Variants in GATC observed in about 807,000 individuals in gnomAD.
The protein encoded by GATC is glutamyl-tRNA(Gln) amidotransferase subunit C, mitochondrial.
GATC carries 11 observed loss-of-function variants against 14.4 expected under a neutral mutation model. The observed-to-expected ratio is 0.77, with a 90% CI of 0.48 to 1.27. GATC has a LOEUF of 1.27. GATC is among the 50% of genes most tolerant of loss of function. GATC has a pLI of 0.00. For missense variants in GATC, 204 were observed against 183.0 expected (o/e 1.11, Z -0.66); for synonymous variants, 76 against 79.3 (o/e 0.96, Z 0.22).
At chr12:120,450,774 ATTC>A (rs1878017002) in intron 2 of GATC, 1 of 152,332 alleles carries the variant, frequency 6.6e-6, no homozygotes, top group Non-Finnish European at 1.5e-5. Flanking sequence ...CATAATGGCC[ATTC>A]TTCTCACCAT....
rs1878324259 is a variant in GATC at position 120,461,027 on chromosome 12, A to G, written c.*1068A>G. On this transcript the variant is annotated 3_prime_UTR_variant, in exon 4 of 4. Transcript: ENST00000551765. The stretch of plus-strand genomic sequence containing the variant: ...AAAAAAAAAAAAGTGATAGAATCAG[A>G]GAGTTTTTCCTCTAACCAAACTGCC... 6.6e-6 allele frequency: 1 copy of G among 150,580 alleles called. No homozygotes were observed. The highest frequency in any genetic ancestry group is 1.5e-5 in the Non-Finnish European group (1 of 67,864). The allele number at this position is 150,580 out of a possible 1,614,324, so 9.3% of individuals were successfully genotyped here.
In GATC at chr12:120,462,323, G is replaced by A. The variant is rs1023482796; in HGVS notation, c.*2364G>A. On this transcript the variant is annotated 3_prime_UTR_variant, in exon 4 of 4. Coordinates refer to ENST00000551765, the MANE Select transcript of GATC (RefSeq NM_176818.3). ...CATTAAACCTTCATAACATTATGAG[G>A]TAGGTACTCTTACTATCCCATTTCA... 31 of 647,214 alleles carry A rather than the reference G, an allele frequency of 4.8e-5. No individual in the cohort carries two copies. Among genetic ancestry groups the A allele is most frequent in the Admixed American group, 1.1e-4 (3 of 27,752 alleles). The allele number at this position is 647,214 out of a possible 1,614,324, so 40.1% of individuals were successfully genotyped here. A position where few individuals can be genotyped will look rare whatever the true frequency, so the allele number is the denominator to read the frequency against.
intron 3 of GATC, among the ~76,000 whole-genome samples, chr12:120,459,400 T>TAA (rs1878267380): frequency 6.6e-6 from 1 of 152,204 alleles, no homozygotes; most frequent in Non-Finnish European, 1.5e-5. Flanking sequence ...ACCTGTATAC[T>TAA]CCTTACTGAA....
rs1284892329 is a variant in GATC, at chr12:120,458,161, C to T, written c.358+982C>T. On this transcript the variant is annotated intron_variant, in intron 3 of 3. Coordinates refer to ENST00000551765, the MANE Select transcript of GATC (RefSeq NM_176818.3). Reference sequence around the variant, plus strand: ...CACCCAGGCTGGAGTGCAATCTTGACTCACTGCAACCTCTGCCTCCCGGGT... The same window carrying T: ...CACCCAGGCTGGAGTGCAATCTTGATTCACTGCAACCTCTGCCTCCCGGGT... Among the ~76,000 whole-genome samples, 4 of 149,464 alleles carry T rather than the reference C, an allele frequency of 2.7e-5. No homozygotes were observed. The East Asian group carries it at 7.9e-4, about 29-fold the overall frequency.
intron 2 of GATC, 113 bp downstream of exon 2, chr12:120,446,942 G>T: frequency 2.9e-6 from 3 of 1,044,266 alleles, no homozygotes; most frequent in Non-Finnish European, 2.7e-6. Context: ...CAAGATTCAG[G>T]AACTTGCCCA....
At chr12:120,457,754 C>T (rs1190445396) in intron 3 of GATC, among the ~76,000 whole-genome samples, 1 of 151,808 alleles carries the variant, frequency 6.6e-6, no homozygotes, top group Non-Finnish European at 1.5e-5. Flanking sequence ...TACAGGCATG[C>T]ACCAGCACGC....
chr12:120,446,965 G>A, intron 2 of GATC, 136 bp downstream of exon 2: 2 of 775,072 alleles, frequency 2.6e-6, no homozygotes, highest in Non-Finnish European at 4.0e-6. Context: ...GTCACCTCGC[G>A]AGTCAGTGGC....
chr12:120,462,772 C>T lies in GATC; in HGVS notation c.*2813C>T, dbSNP rs1322241290. The T allele has an allele frequency of 6.6e-6, 1 of 152,186 alleles. No homozygotes were observed. The highest frequency in any genetic ancestry group is 1.9e-4 in the East Asian group (1 of 5,200). The allele number at this position is 152,186 out of a possible 1,614,324, so 9.4% of individuals were successfully genotyped here. ...GGAGTCATGTCCAGGCTGGCTTGTC[C>T]CCAGGCCCTCTGCCTTCAGCCACCA... On this transcript the variant is annotated 3_prime_UTR_variant, in exon 4 of 4. Transcript: ENST00000551765.
chr12:120,447,427 A>T (rs899681111), intron 2 of GATC, among the ~76,000 whole-genome samples: 1 of 151,778 alleles, frequency 6.6e-6, no homozygotes, highest in Non-Finnish European at 1.5e-5. Flanking sequence ...ACTCACTCCA[A>T]CGTACTCTTC....
In GATC at chr12:120,462,191, A is replaced by G. The variant is rs775352864; in HGVS notation, c.*2232A>G. On this transcript the variant is annotated 3_prime_UTR_variant, in exon 4 of 4. Coordinates refer to ENST00000551765, the MANE Select transcript of GATC (RefSeq NM_176818.3). ...AAATGCAAACAAAAACAAAAAGAGT[A>G]AAGGGGAAAAAAATCAGAGCCAGAA... 1.3e-6 allele frequency: 2 copies of G among 1,582,460 alleles called. No individual in the cohort carries two copies. Among genetic ancestry groups the G allele is most frequent in the South Asian group, 1.1e-5 (1 of 87,778 alleles).
chr12:120,452,110 C>T (rs1043877601), intron 2 of GATC, among the ~76,000 whole-genome samples: 6 of 152,064 alleles, frequency 3.9e-5, no homozygotes, highest in Non-Finnish European at 7.3e-5. Flanking sequence ...CTCCTGACCT[C>T]AGGTCATCCG....
intron 2 of GATC, among the ~76,000 whole-genome samples, chr12:120,448,331 G>GT (rs34872230): frequency 0.99 from 138,934 of 140,934 alleles, 68,485 homozygotes; most frequent in South Asian, 1. Flanking sequence ...CCTCAAGAAA[G>GT]TTTTTTTTTT....
chr12:120,453,095 G>T (rs1421193060), intron 2 of GATC, among the ~76,000 whole-genome samples: 1 of 152,114 alleles, frequency 6.6e-6, no homozygotes, highest in African/African-American at 2.4e-5. Flanking sequence ...AAGTAGAGGG[G>T]TCCACAAGAA....
chr12:120,463,737 AT>A lies in GATC; in HGVS notation c.*3780del. ...GATACTAATATGCAGAATAAAGCAT[AT>A]TAAAAAACAAACGTACCATGAATGC... On this transcript the variant is annotated 3_prime_UTR_variant, in exon 4 of 4. Transcript: ENST00000551765. The A allele has an allele frequency of 1.9e-6, 1 of 513,526 alleles. No homozygotes were observed. The highest frequency in any genetic ancestry group is 3.1e-5 in the East Asian group (1 of 32,630). 31.8% of individuals were successfully genotyped at this position (513,526 alleles called of 1,614,324 possible).
intron 2 of GATC, among the ~76,000 whole-genome samples, chr12:120,456,868 T>C (rs1172679962): frequency 6.6e-6 from 1 of 152,220 alleles, no homozygotes; most frequent in Admixed American, 6.5e-5. Context: ...GAGAAGTAAT[T>C]AGCACTTACT....
At chr12:120,453,764 T>C (rs1303576967) in intron 2 of GATC, among the ~76,000 whole-genome samples, 4 of 151,644 alleles carry the variant, frequency 2.6e-5, no homozygotes, top group Non-Finnish European at 4.4e-5. Flanking sequence ...GGAGGATCAC[T>C]TGAGCCCAGA....
At chr12:120,456,362 C>G (rs1404614192) in intron 2 of GATC, among the ~76,000 whole-genome samples, 5 of 152,144 alleles carry the variant, frequency 3.3e-5, no homozygotes, top group African/African-American at 1.2e-4. Flanking sequence ...GCACATCCAC[C>G]AAAGTGGCTG....
At position 120,463,703 on chromosome 12, in the gene GATC, G is replaced by C. The variant is rs1162896172; in HGVS notation, c.*3744G>C. 1.3e-5 allele frequency: 5 copies of C among 391,848 alleles called. No individual in the cohort carries two copies. The highest frequency in any genetic ancestry group is 4.2e-5 in the Admixed American group (1 of 23,884). The allele number at this position is 391,848 out of a possible 1,614,324, so 24.3% of individuals were successfully genotyped here. A position where few individuals can be genotyped will look rare whatever the true frequency, so the allele number is the denominator to read the frequency against. The stretch of plus-strand genomic sequence containing the variant: ...AGGTTACAAATACCATGACCAAACT[G>C]TGTAATGTGATACTAATATGCAGAA... On this transcript the variant is annotated 3_prime_UTR_variant, in exon 4 of 4. Transcript: ENST00000551765.
intron 2 of GATC, chr12:120,450,351 G>A (rs1878005102): frequency 2.0e-5 from 3 of 152,180 alleles, no homozygotes; most frequent in African/African-American, 7.2e-5. Flanking sequence ...CACACAGAAT[G>A]TAAAGTGAAG....
Sources: gnomAD v4.1 joint callset for allele counts (sites outside exome capture counted in the v4.1 genomes callset) on GRCh38, gnomAD v4.1.1 for gene constraint, MANE v1.5 for transcripts, NCBI Gene and HGNC (gene_info 2026-07-23, HGNC 2026-07-21) for gene names.